The following IQCB1 variants were observed in gnomAD, a reference collection of about 807,000 sequenced individuals.
The protein encoded by IQCB1 is IQ calmodulin-binding motif-containing protein 1.
IQCB1 carries 56 observed loss-of-function variants against 84.4 expected under a neutral mutation model. The ratio of observed to expected loss-of-function variants is 0.66; its 90% confidence interval spans 0.54 to 0.83. The LOEUF (loss-of-function observed/expected upper bound fraction) is 0.83. IQCB1 is among the 40% of genes least tolerant of loss of function. The pLI, the probability that IQCB1 is intolerant of heterozygous loss-of-function variation, is 0.00. For missense variants in IQCB1, 629 were observed against 682.1 expected, an observed-to-expected ratio of 0.92 and a Z score of 0.87; for synonymous variants, 210 against 234.8, an observed-to-expected ratio of 0.89 and a Z score of 0.96.
At chr3:121,811,969 C>T (rs1368284817) in intron 5 of IQCB1, among the ~76,000 whole-genome samples, 11 of 152,222 alleles carry the variant, frequency 7.2e-5, no homozygotes, top group Admixed American at 5.9e-4. Flanking sequence ...AATGCCTCCT[C>T]AAGTGGGTCC....
chr3:121,782,542 GTTTT>G (rs966369295), intron 12 of IQCB1, among the ~76,000 whole-genome samples: 7 of 151,430 alleles, frequency 4.6e-5, no homozygotes, highest in Non-Finnish European at 7.4e-5. Flanking sequence ...TTTTGTTTTT[GTTTT>G]TTTTGTTTTG....
chr3:121,799,539 A>C (rs1261902606), intron 7 of IQCB1, among the ~76,000 whole-genome samples, 165 bp from the exon 8 acceptor site: 3 of 151,894 alleles, frequency 2.0e-5, no homozygotes, highest in Non-Finnish European at 3.0e-5. Context: ...TATCATATTC[A>C]GTCACTTAAT....
At chr3:121,805,061 T>G (rs4676752) in intron 7 of IQCB1, among the ~76,000 whole-genome samples, 97,813 of 151,992 alleles carry the variant, frequency 0.64, 31,966 homozygotes, top group African/African-American at 0.71. Context: ...ATGTCTGTAT[T>G]CAACTTTTTA....
intron 8 of IQCB1, among the ~76,000 whole-genome samples, chr3:121,798,225 T>G (rs1311749535): frequency 6.6e-6 from 1 of 151,930 alleles, no homozygotes; most frequent in East Asian, 1.9e-4. Flanking sequence ...TAATGACTAA[T>G]TCAAGGTACA....
At chr3:121,829,959 C>T (rs1950577019) in intron 2 of IQCB1, among the ~76,000 whole-genome samples, 1 of 152,156 alleles carries the variant, frequency 6.6e-6, no homozygotes, top group Admixed American at 6.5e-5. Context: ...ATAATCCCAG[C>T]ACTTTGGGAG....
intron 11 of IQCB1, among the ~76,000 whole-genome samples, chr3:121,788,756 C>A (rs1452980708): frequency 6.6e-6 from 1 of 151,482 alleles, no homozygotes; most frequent in Non-Finnish European, 1.5e-5. Context: ...TTCAGTACCA[C>A]CAGAGGGAAA....
intron 13 of IQCB1, 93 bp downstream of exon 13, chr3:121,781,650 C>CAT: frequency 1.1e-6 from 1 of 925,470 alleles, no homozygotes; most frequent in South Asian, 1.5e-5. Flanking sequence ...CACACACACA[C>CAT]ACACACACAC....
At chr3:121,787,511 C>T (rs113482209) in intron 12 of IQCB1, among the ~76,000 whole-genome samples, 24 of 152,174 alleles carry the variant, frequency 1.6e-4, no homozygotes, top group African/African-American at 4.8e-4. Context: ...CCAGCACTTT[C>T]GGAGGCCGAG....
chr3:121,793,998 C>T (rs963603929), intron 10 of IQCB1, among the ~76,000 whole-genome samples: 2 of 152,038 alleles, frequency 1.3e-5, no homozygotes, highest in Non-Finnish European at 1.5e-5. Flanking sequence ...CAGGTGGAAT[C>T]CATAAGTAAT....
In IQCB1 at chr3:121,772,570, A is replaced by G. The variant is rs749241605; in HGVS notation, c.1554T>C (p.Val518=). 6.8e-6 allele frequency: 11 copies of G among 1,614,236 alleles called. No individual in the cohort carries two copies. Among genetic ancestry groups the G allele is most frequent in the Non-Finnish European group, 9.3e-6 (11 of 1,180,036 alleles). The change falls in exon 14 of 15, where the codon GTT becomes GTC. Residue 518 remains valine, a synonymous_variant. Coordinates refer to ENST00000310864, the MANE Select transcript of IQCB1 (RefSeq NM_001023570.4). ...EALIAQISTN[V]EQLMKAPSLK... ...ATGAGCACATACTCATTAGCTGTTC[A>G]ACGTTGGTGCTGATCTGTGCTATCA...
intron 7 of IQCB1, among the ~76,000 whole-genome samples, chr3:121,804,747 G>A (rs146651831): frequency 9.8e-4 from 149 of 152,184 alleles, no homozygotes; most frequent in Non-Finnish European, 1.8e-3. Flanking sequence ...GCATCTGCAT[G>A]TTTATAGTTT....
At chr3:121,823,356 G>A (rs1950342400) in intron 5 of IQCB1, among the ~76,000 whole-genome samples, 1 of 152,052 alleles carries the variant, frequency 6.6e-6, no homozygotes, top group Non-Finnish European at 1.5e-5. Flanking sequence ...GGACCTCCAA[G>A]CAAGATAGAC....
chr3:121,822,618 C>G (rs1428713094), intron 5 of IQCB1, among the ~76,000 whole-genome samples: 1 of 152,146 alleles, frequency 6.6e-6, no homozygotes, highest in Non-Finnish European at 1.5e-5. Flanking sequence ...GCTGGGTATA[C>G]AGAGTTTGGA....
chr3:121,819,626 T>A (rs1315558726), intron 5 of IQCB1, among the ~76,000 whole-genome samples: 2 of 152,172 alleles, frequency 1.3e-5, no homozygotes, highest in African/African-American at 4.8e-5. Context: ...ACATAGTAAT[T>A]AATGATTAAT....
intron 13 of IQCB1, 151 bp from the exon 14 acceptor site, chr3:121,772,864 A>G: frequency 1.4e-6 from 1 of 735,192 alleles, no homozygotes. Flanking sequence ...TTATGCAAGT[A>G]TTAATTAGTC....
intron 7 of IQCB1, among the ~76,000 whole-genome samples, chr3:121,799,589 C>T (rs921518314): frequency 3.3e-5 from 5 of 151,790 alleles, no homozygotes; most frequent in African/African-American, 9.7e-5. Context: ...GCCATGTGTG[C>T]TAGGTACAAT....
At chr3:121,776,490 C>T (rs1948234748) in intron 13 of IQCB1, among the ~76,000 whole-genome samples, 1 of 152,220 alleles carries the variant, frequency 6.6e-6, no homozygotes, top group Non-Finnish European at 1.5e-5. Flanking sequence ...CTGCCACATG[C>T]TTGCTAACCT....
intron 5 of IQCB1, among the ~76,000 whole-genome samples, chr3:121,823,297 C>A (rs572648536): frequency 6.6e-6 from 1 of 152,234 alleles, no homozygotes; most frequent in South Asian, 2.1e-4. Context: ...AAAATATTAG[C>A]TGAAAATTTT....
intron 7 of IQCB1, among the ~76,000 whole-genome samples, chr3:121,803,346 C>T (rs1203624462): frequency 6.6e-6 from 1 of 152,172 alleles, no homozygotes; most frequent in Non-Finnish European, 1.5e-5. Flanking sequence ...CCACCGTGCC[C>T]GGCCCCTTTT....
Sources: allele counts gnomAD v4.1 joint callset (sites outside exome capture counted in the v4.1 genomes callset), GRCh38; gene constraint gnomAD v4.1.1; transcripts MANE v1.5; gene names NCBI Gene and HGNC (gene_info 2026-07-23, HGNC 2026-07-21).